BZW2: variants seen among roughly 807,000 people sequenced by gnomAD.
BZW2 encodes eIF5-mimic protein 1.
In BZW2, 23 loss-of-function variants were observed where a neutral mutation model predicts 53.2. The ratio of observed to expected loss-of-function variants is 0.43; its 90% CI spans 0.31 to 0.61. BZW2 has a LOEUF of 0.61. Ranked by LOEUF, BZW2 falls within the 20% of genes least tolerant of loss-of-function variation. BZW2 has a pLI of 0.09. For synonymous variants in BZW2, 227 were observed against 186.4 expected (o/e 1.22, Z -1.77); for missense variants, 409 against 503.1 (o/e 0.81, Z 1.79).
intron 3 of BZW2, among the ~76,000 whole-genome samples, chr7:16,677,482 G>C (rs1446979731): frequency 6.6e-6 from 1 of 152,174 alleles, no homozygotes; most frequent in African/African-American, 2.4e-5. Context: ...TTGAGGTGTA[G>C]TAGGGGTTGT....
At chr7:16,648,550 G>A (rs1781920753) in intron 1 of BZW2, among the ~76,000 whole-genome samples, 1 of 152,194 alleles carries the variant, frequency 6.6e-6, no homozygotes, top group South Asian at 2.1e-4. Context: ...TCTCCATCTA[G>A]CTAATTCAGG....
chr7:16,690,500 C>T (rs1011724236), intron 7 of BZW2, among the ~76,000 whole-genome samples: 1 of 152,174 alleles, frequency 6.6e-6, no homozygotes, highest in Non-Finnish European at 1.5e-5. Flanking sequence ...CCACCACACT[C>T]AGCCTATAAT....
chr7:16,654,513 C>CT lies in BZW2; in HGVS notation c.-8+8225_-8+8226insT. Among the ~76,000 whole-genome samples the CT allele has an allele frequency of 1.5e-5, 2 of 132,780 alleles. 1 individual carries two copies. Among genetic ancestry groups the CT allele is most frequent in the East Asian group, 5.0e-4 (2 of 4,022 alleles). The allele number at this position is 132,780 out of a possible 152,430, so 87.1% of individuals were successfully genotyped here. On this transcript the variant is annotated intron_variant, in intron 1 of 11. Transcript: ENST00000258761. ...TTTAATTTTTTTCTGTATATAACCC[C>CT]CCCCCCCCAAAAAAAAACGGATGAT...
Position 16,674,577 on chromosome 7 carries a change from G to T in BZW2, c.224G>T (p.Gly75Val). The T allele has an allele frequency of 6.3e-7, 1 of 1,599,418 alleles. No homozygotes were observed. The highest frequency in any genetic ancestry group is 8.5e-7 in the Non-Finnish European group (1 of 1,172,220). Residue 75 changes from glycine to valine, a missense_variant, in exon 3 of 12, where the codon GGC (glycine) becomes GTC (valine). By Grantham distance (109) the Gly-to-Val change is moderately radical. Transcript: ENST00000258761. ...ADTLFDILVA[G>V]SMLAPGGTRI... The stretch of plus-strand genomic sequence containing the variant: ...ACACTCTTCGATATCCTGGTGGCTG[G>T]CAGTATGCTTGGTAAACCATGCATT...
chr7:16,656,026 A>T (rs999453771), intron 1 of BZW2, among the ~76,000 whole-genome samples: 4 of 152,106 alleles, frequency 2.6e-5, no homozygotes, highest in African/African-American at 9.6e-5. Context: ...TAACATAGAT[A>T]CCATAATTTT....
rs753174373 is a variant in BZW2 at position 16,698,079 on chromosome 7, C to T, written c.1001C>T (p.Ser334Phe). ...QYAPLLAVFS[S>F]QGQSELILLQ... The stretch of plus-strand genomic sequence containing the variant: ...GCTCCCCTGCTGGCCGTGTTCAGCT[C>T]CCAAGGCCAGTCAGAGCTGATCCTC... Residue 334 changes from serine to phenylalanine, a missense_variant, in exon 10 of 12, where the codon TCC becomes TTC. Ser to Phe is a radical substitution (Grantham distance 155). Around this residue, in one of 3 missense-constraint regions of BZW2, gnomAD observed 88 missense variants for 114.6 expected, o/e 0.77. Coordinates refer to ENST00000258761, the MANE Select transcript of BZW2 (RefSeq NM_014038.3). 6.2e-7 allele frequency: 1 copy of T among 1,614,154 alleles called. No homozygotes were observed. The highest frequency in any genetic ancestry group is 8.5e-7 in the Non-Finnish European group (1 of 1,179,998).
rs184615506 is a variant in BZW2, at chr7:16,673,346, C to T, written c.59-1066C>T. Among the ~76,000 whole-genome samples, 10 of 152,222 alleles carry T rather than the reference C, an allele frequency of 6.6e-5. No individual in the cohort carries two copies. The East Asian group carries it at 1.9e-3, about 29-fold the overall frequency. On this transcript the variant is annotated intron_variant, in intron 2 of 11. Coordinates refer to ENST00000258761, the MANE Select transcript of BZW2 (RefSeq NM_014038.3). ...ATCAAAACCATTTTTATAATGATACCAAGATATTCACGTCTTTCACACATT... is the reference window on the plus strand; with the variant it reads ...ATCAAAACCATTTTTATAATGATACTAAGATATTCACGTCTTTCACACATT...
intron 1 of BZW2, among the ~76,000 whole-genome samples, chr7:16,655,356 A>G (rs562625051): frequency 6.6e-6 from 1 of 152,332 alleles, no homozygotes; most frequent in African/African-American, 2.4e-5. Context: ...ATGTTTTTTT[A>G]AATTACTTAA....
chr7:16,683,641 A>G (rs1783023411), intron 5 of BZW2, among the ~76,000 whole-genome samples: 1 of 152,242 alleles, frequency 6.6e-6, no homozygotes, highest in Non-Finnish European at 1.5e-5. Context: ...CCACAGTAGC[A>G]TCTCCTTAAA....
At position 16,665,500 on chromosome 7, in the gene BZW2, G is replaced by T. The variant is rs1415183083; in HGVS notation, c.57G>T (p.Arg19Ser). The change falls in exon 2 of 12, where the codon AGG (arginine) becomes AGT (serine). Residue 19 changes from arginine (R) to serine (S), a missense_variant and splice_region_variant. Coordinates refer to ENST00000258761, the MANE Select transcript of BZW2 (RefSeq NM_014038.3). The part of the protein sequence containing the change: ...LTGQRFKTRK[R>S]DEKEKFEPTV... ...GCCAGCGGTTCAAAACTCGGAAAAG[G>T]GGTAGGTTGTGTGTGTGTGTGTGTG... 6.2e-7 allele frequency: 1 copy of T among 1,611,778 alleles called. No individual in the cohort carries two copies. The highest frequency in any genetic ancestry group is 2.2e-5 in the East Asian group (1 of 44,864).
chr7:16,670,843 T>G (rs905287415), intron 2 of BZW2, among the ~76,000 whole-genome samples: 8 of 152,204 alleles, frequency 5.3e-5, no homozygotes, highest in African/African-American at 1.9e-4. Context: ...TCAAAAGGAC[T>G]TTTTATCTCT....
chr7:16,694,916 T>A lies in BZW2; in HGVS notation c.734T>A (p.Phe245Tyr). The change falls in exon 8 of 12, where the codon TTC becomes TAC. Residue 245 changes from phenylalanine to tyrosine, a missense_variant. Coordinates refer to ENST00000258761, the MANE Select transcript of BZW2 (RefSeq NM_014038.3). ...TDAGLKELSD[F>Y]LRVQQSLGTR... is the part of the protein sequence containing the mutation. ...GCAGGTCTTAAGGAGCTTTCCGACT[T>A]CCTCCGAGTCCAGCAGTCCCTGGGC... 6.3e-7 allele frequency: 1 copy of A among 1,596,804 alleles called. No homozygotes were observed. Among genetic ancestry groups the A allele is most frequent in the Non-Finnish European group, 8.6e-7 (1 of 1,166,538 alleles).
intron 1 of BZW2, among the ~76,000 whole-genome samples, chr7:16,658,290 T>G (rs2128351552): frequency 6.6e-6 from 1 of 152,350 alleles, no homozygotes; most frequent in South Asian, 2.1e-4. Context: ...TGAAAATAGC[T>G]TCACTGAGAT....
chr7:16,683,635 A>G (rs1338040762), intron 5 of BZW2, among the ~76,000 whole-genome samples: 6 of 152,272 alleles, frequency 3.9e-5, no homozygotes, highest in African/African-American at 1.4e-4. Context: ...TGAAATCCAC[A>G]GTAGCATCTC....
intron 1 of BZW2, among the ~76,000 whole-genome samples, chr7:16,651,349 A>C (rs1781979824): frequency 6.6e-6 from 1 of 152,260 alleles, no homozygotes; most frequent in African/African-American, 2.4e-5. Context: ...AATAACGTTT[A>C]GCACTGTAGA....
At chr7:16,686,326 C>G in intron 6 of BZW2, 1 of 317,544 alleles carries the variant, frequency 3.1e-6, no homozygotes, top group South Asian at 3.7e-5. Context: ...AGGTCAAATA[C>G]CCCGAAATCG....
intron 1 of BZW2, among the ~76,000 whole-genome samples, chr7:16,659,377 A>C (rs887295450): frequency 1.3e-5 from 2 of 152,216 alleles, no homozygotes; most frequent in Non-Finnish European, 2.9e-5. Flanking sequence ...ATATTAAACA[A>C]GCTAATGTTA....
At chr7:16,673,104 C>A (rs1189465894) in intron 2 of BZW2, among the ~76,000 whole-genome samples, 1 of 152,026 alleles carries the variant, frequency 6.6e-6, no homozygotes, top group Admixed American at 6.6e-5. Context: ...CCGCCACCAC[C>A]CCTGGCTAAT....
At chr7:16,696,457 A>C (rs1783491988) in intron 8 of BZW2, among the ~76,000 whole-genome samples, 1 of 152,236 alleles carries the variant, frequency 6.6e-6, no homozygotes, top group Admixed American at 6.5e-5. Context: ...GGATCATCAA[A>C]AGTAATCATT....
Sources: allele counts gnomAD v4.1 joint callset (sites outside exome capture counted in the v4.1 genomes callset), GRCh38; gene constraint gnomAD v4.1.1; regional missense constraint gnomAD v4.1.1; transcripts MANE v1.5; gene names NCBI Gene and HGNC (gene_info 2026-07-23, HGNC 2026-07-21).